Variants in CCSER1 observed in about 807,000 individuals in gnomAD.
The protein encoded by CCSER1 is serine-rich coiled-coil domain-containing protein 1.
In CCSER1, 41 loss-of-function variants were observed where a neutral mutation model predicts 82.0. That is an observed-to-expected ratio of 0.50 (90% CI 0.39 to 0.65). The LOEUF is 0.65. Among genes scored for constraint, CCSER1 ranks in the 30% least tolerant of loss-of-function variants. The probability of loss-of-function intolerance (pLI) is 0.00; values close to 1 mark genes in which losing one functional copy is unlikely to be tolerated. For synonymous variants in CCSER1, 414 were observed against 383.9 expected, an observed-to-expected ratio of 1.08 and a Z score of -0.92; for missense variants, 1,119 against 1,064.2, an observed-to-expected ratio of 1.05 and a Z score of -0.72.
chr4:90,917,704 T>C (rs1305543445), intron 8 of CCSER1, among the ~76,000 whole-genome samples: 1 of 152,076 alleles, frequency 6.6e-6, no homozygotes, highest in African/African-American at 2.4e-5. Context: ...GATTTTATTT[T>C]AGTGATTAAA....
intron 8 of CCSER1, among the ~76,000 whole-genome samples, chr4:90,880,448 GACTA>G (rs1367877234): frequency 6.6e-6 from 1 of 152,188 alleles, no homozygotes; most frequent in Non-Finnish European, 1.5e-5. Context: ...ACCCATGGGA[GACTA>G]ACTACCTCCT....
chr4:90,872,051 G>A (rs1195077821), intron 8 of CCSER1, among the ~76,000 whole-genome samples: 1 of 151,314 alleles, frequency 6.6e-6, no homozygotes, highest in African/African-American at 2.4e-5. Context: ...CAGTGTATGT[G>A]TGTGTTTATG....
chr4:90,233,791 A>G (rs1230623821), intron 1 of CCSER1, among the ~76,000 whole-genome samples: 1 of 152,026 alleles, frequency 6.6e-6, no homozygotes, highest in African/African-American at 2.4e-5. Flanking sequence ...TCATTTGAAA[A>G]GTATTTTTTT....
intron 5 of CCSER1, among the ~76,000 whole-genome samples, chr4:90,529,822 G>T (rs115703102): frequency 0.017 from 2,641 of 151,866 alleles, 79 homozygotes; most frequent in African/African-American, 0.061. Flanking sequence ...ACTACATGAG[G>T]GCCCACCTTT....
chr4:91,128,715 G>A lies in CCSER1; in HGVS notation c.2217+42721G>A, dbSNP rs115836734. Among the ~76,000 whole-genome samples the A allele has an allele frequency of 7.8e-3, 1,183 of 152,108 alleles. 6 individuals carry two copies. Among genetic ancestry groups the A allele is most frequent in the Non-Finnish European group, 0.012 (822 of 67,968 alleles). On this transcript the variant is annotated intron_variant, in intron 10 of 10. Transcript: ENST00000509176. ...ACAGAAGACACATAGAAGTGAAAGG[G>A]CCTGTGACTCTGAGTTTATGAATGT... is the stretch of plus-strand genomic sequence containing the variant.
intron 10 of CCSER1, among the ~76,000 whole-genome samples, chr4:91,207,469 G>C (rs1312018190): frequency 6.6e-6 from 1 of 151,832 alleles, no homozygotes; most frequent in Non-Finnish European, 1.5e-5. Flanking sequence ...TTTTAAGTGA[G>C]AACACATGGT....
Position 90,468,231 on chromosome 4 carries a change from C to G in CCSER1, c.1604-3C>G. ...TTTACAATTCCTCGGTTTTTTTGAACAGTTTGCCGGGAGGACTCATATCAC... is the reference window on the plus strand; with the variant it reads ...TTTACAATTCCTCGGTTTTTTTGAAGAGTTTGCCGGGAGGACTCATATCAC... On this transcript the variant is annotated splice_region_variant and splice_polypyrimidine_tract_variant and intron_variant, in intron 4 of 10. Coordinates refer to ENST00000509176, the MANE Select transcript of CCSER1 (RefSeq NM_001145065.2). 1 of 1,581,224 alleles carries G rather than the reference C, an allele frequency of 6.3e-7. No individual in the cohort carries two copies. Among genetic ancestry groups the G allele is most frequent in the Non-Finnish European group, 8.6e-7 (1 of 1,163,200 alleles).
intron 9 of CCSER1, among the ~76,000 whole-genome samples, chr4:90,927,411 T>C (rs925228911): frequency 6.6e-6 from 1 of 152,006 alleles, no homozygotes; most frequent in African/African-American, 2.4e-5. Context: ...TTTCATTAAA[T>C]ATTAAATTAT....
chr4:90,361,179 T>C (rs1745310898), intron 3 of CCSER1, among the ~76,000 whole-genome samples: 1 of 152,182 alleles, frequency 6.6e-6, no homozygotes, highest in African/African-American at 2.4e-5. Flanking sequence ...ATACGATGGT[T>C]TCTATAGTAG....
At chr4:90,499,680 G>A (rs1769561648) in intron 5 of CCSER1, among the ~76,000 whole-genome samples, 1 of 152,020 alleles carries the variant, frequency 6.6e-6, no homozygotes, top group South Asian at 2.1e-4. Flanking sequence ...AACCAAAATG[G>A]TATCATAACT....
intron 10 of CCSER1, among the ~76,000 whole-genome samples, chr4:91,141,211 TG>T: frequency 6.6e-6 from 1 of 151,888 alleles, no homozygotes; most frequent in South Asian, 2.1e-4. Context: ...TGGAGTGAAG[TG>T]GCACAATCTC....
rs765931168 is a variant in CCSER1 at position 90,314,837 on chromosome 4, CTTTTTT to C, written c.1509+1812_1509+1817del. ...CACAAAGTCACTCTTCTCAGATTTA[CTTTTTT>C]TTTTTTTTTTTTTTTTTTTTTGAGA... On this transcript the variant is annotated intron_variant, in intron 3 of 10. Transcript: ENST00000509176. Among the ~76,000 whole-genome samples the C allele has an allele frequency of 2.5e-4, 22 of 87,592 alleles. 1 individual carries two copies. The highest frequency in any genetic ancestry group is 6.8e-4 in the Admixed American group (5 of 7,398). The allele number at this position is 87,592 out of a possible 152,430, so 57.5% of individuals were successfully genotyped here.
rs189992171 is a variant in CCSER1 at position 90,181,770 on chromosome 4, A to C, written c.-42+53939A>C. Among the ~76,000 whole-genome samples the C allele has an allele frequency of 3.9e-5, 6 of 152,332 alleles. No individual in the cohort carries two copies. In the East Asian group the frequency reaches 1.2e-3, roughly 29 times the overall value. ...AGTGGTAGCTTCTAGATTTACTGAC[A>C]AAAGAAATATTCTGGGCTGGTAGAG... On this transcript the variant is annotated intron_variant, in intron 1 of 10. Coordinates refer to ENST00000509176, the MANE Select transcript of CCSER1 (RefSeq NM_001145065.2).
rs1278041648 is a variant in CCSER1 at position 91,496,623 on chromosome 4, T to TATATATATTCAAC, written c.2218-101945_2218-101944insATATTCAACATAT. ...ATTTGAATATATATATACACGAATATATATTTGAATATATATATATTCAAT... is the reference window on the plus strand; with the variant it reads ...ATTTGAATATATATATACACGAATATATATATATTCAACATATTTGAATATATATATATTCAAT... On this transcript the variant is annotated intron_variant, in intron 10 of 10. Transcript: ENST00000509176. Among the ~76,000 whole-genome samples, 72 of 25,864 alleles carry TATATATATTCAAC rather than the reference T, an allele frequency of 2.8e-3. 14 individuals are homozygous for TATATATATTCAAC. Among genetic ancestry groups the TATATATATTCAAC allele is most frequent in the African/African-American group, 6.2e-3 (62 of 9,978 alleles). 17.0% of individuals were successfully genotyped at this position (25,864 alleles called of 152,430 possible).
chr4:91,058,779 G>T (rs1172566113), intron 9 of CCSER1, among the ~76,000 whole-genome samples: 1 of 151,956 alleles, frequency 6.6e-6, no homozygotes, highest in Non-Finnish European at 1.5e-5. Context: ...TAATAGATAA[G>T]AAAACTGAAA....
In CCSER1 at chr4:91,384,025, C is replaced by T. The variant is rs539751123; in HGVS notation, c.2218-214547C>T. Among the ~76,000 whole-genome samples the T allele has an allele frequency of 5.9e-5, 9 of 152,208 alleles. No homozygotes were observed. In the South Asian group the frequency reaches 1.2e-3, roughly 21 times the overall value. ...TTTTGTTAAAGAATCAACTTTGGCT[C>T]CCAGTGGGTAATCTATTCCTGTTCC... On this transcript the variant is annotated intron_variant, in intron 10 of 10. Coordinates refer to ENST00000509176, the MANE Select transcript of CCSER1 (RefSeq NM_001145065.2).
intron 10 of CCSER1, among the ~76,000 whole-genome samples, chr4:91,194,868 C>A (rs2149055031): frequency 6.6e-6 from 1 of 152,248 alleles, no homozygotes; most frequent in African/African-American, 2.4e-5. Context: ...TAATTGGAGT[C>A]TTTAACAGAG....
chr4:90,951,652 A>G (rs969830840), intron 9 of CCSER1, among the ~76,000 whole-genome samples: 2 of 152,086 alleles, frequency 1.3e-5, no homozygotes, highest in Admixed American at 6.6e-5. Context: ...GTTATCAAAA[A>G]CTACATTTTG....
intron 1 of CCSER1, among the ~76,000 whole-genome samples, chr4:90,199,100 A>G (rs1302226640): frequency 1.3e-5 from 2 of 152,124 alleles, no homozygotes; most frequent in Admixed American, 1.3e-4. Context: ...AAACCAACCC[A>G]TTGCTGTACC....
Sources: allele counts gnomAD v4.1 joint callset (sites outside exome capture counted in the v4.1 genomes callset), GRCh38; gene constraint gnomAD v4.1.1; transcripts MANE v1.5; gene names NCBI Gene and HGNC (gene_info 2026-07-23, HGNC 2026-07-21).